ENTHD1: variants seen among roughly 807,000 people sequenced by gnomAD.
ENTHD1 encodes ENTH domain containing 1.
Under a neutral mutation model 39.1 loss-of-function variants are expected in ENTHD1, and 23 were observed. The ratio of observed to expected loss-of-function variants is 0.59; its 90% CI spans 0.42 to 0.83. The LOEUF is 0.83. Ranked by LOEUF, ENTHD1 falls within the 40% of genes least tolerant of loss-of-function variation. ENTHD1 has a pLI of 0.00. For synonymous variants in ENTHD1, 230 were observed against 258.2 expected (o/e 0.89, Z 1.05); for missense variants, 624 against 705.4 (o/e 0.88, Z 1.31).
chr22:39,792,766 C>T (rs1170666509), intron 5 of ENTHD1, among the ~76,000 whole-genome samples: 2 of 152,086 alleles, frequency 1.3e-5, no homozygotes, highest in African/African-American at 2.4e-5. Context: ...GTAGTTACAT[C>T]GTTTTTCTTT....
chr22:39,814,536 A>G lies in ENTHD1; in HGVS notation c.832+6457T>C, dbSNP rs148060923. The stretch of plus-strand genomic sequence containing the variant: ...GAATTATTACAAAGGTGGCGTGATT[A>G]AAACTATTTATCAATGCAGGGTTGG... On this transcript the variant is annotated intron_variant, in intron 5 of 6. Coordinates refer to ENST00000325157, the MANE Select transcript of ENTHD1 (RefSeq NM_152512.4). Among the ~76,000 whole-genome samples, 490 of 152,250 alleles carry G rather than the reference A, an allele frequency of 3.2e-3. 4 individuals are homozygous for G. The highest frequency in any genetic ancestry group is 0.011 in the African/African-American group (469 of 41,500).
intron 1 of ENTHD1, among the ~76,000 whole-genome samples, chr22:39,891,831 G>A (rs1194166570): frequency 6.6e-6 from 1 of 151,836 alleles, no homozygotes; most frequent in African/African-American, 2.4e-5. Context: ...TATTGACCAG[G>A]GTGGTCTTGA....
intron 5 of ENTHD1, among the ~76,000 whole-genome samples, chr22:39,766,037 A>G (rs1353280116): frequency 1.3e-5 from 2 of 149,408 alleles, no homozygotes; most frequent in South Asian, 2.1e-4. Flanking sequence ...AAAAAAAAAA[A>G]AAAAAAAAAA....
At chr22:39,799,981 T>C (rs1354648366) in intron 5 of ENTHD1, among the ~76,000 whole-genome samples, 22 of 152,196 alleles carry the variant, frequency 1.4e-4, no homozygotes, top group Non-Finnish European at 3.1e-4. Context: ...AATGGCACTG[T>C]GCTACAGCTG....
intron 2 of ENTHD1, among the ~76,000 whole-genome samples, chr22:39,884,763 A>C (rs1303576084): frequency 6.6e-6 from 1 of 152,228 alleles, no homozygotes; most frequent in Non-Finnish European, 1.5e-5. Flanking sequence ...TCAACAGGGA[A>C]AAAATGGTCT....
At chr22:39,827,672 T>C (rs1017155601) in intron 4 of ENTHD1, among the ~76,000 whole-genome samples, 9 of 152,158 alleles carry the variant, frequency 5.9e-5, no homozygotes, top group Non-Finnish European at 1.5e-5. Flanking sequence ...TTTGCAAAGA[T>C]GAGGGGAATC....
intron 2 of ENTHD1, chr22:39,875,248 TA>T: frequency 8.6e-7 from 1 of 1,165,260 alleles, no homozygotes; most frequent in South Asian, 4.0e-5. Flanking sequence ...TCCATTTATA[TA>T]AATTTTAAGA....
In ENTHD1 at chr22:39,743,586, T is replaced by A; in HGVS notation, c.*93A>T. On this transcript the variant is annotated 3_prime_UTR_variant, in exon 7 of 7. Coordinates refer to ENST00000325157, the MANE Select transcript of ENTHD1 (RefSeq NM_152512.4). The stretch of plus-strand genomic sequence containing the variant: ...CAAGGAAAAATTAAACCATCCCCTT[T>A]TTTGCCATAATAATATGAATTTATA... The A allele has an allele frequency of 7.3e-7, 1 of 1,375,688 alleles. No homozygotes were observed. Among genetic ancestry groups the A allele is most frequent in the Non-Finnish European group, 9.5e-7 (1 of 1,049,974 alleles). 85.2% of individuals were successfully genotyped at this position (1,375,688 alleles called of 1,614,324 possible).
rs750292223 is a variant in ENTHD1 at position 39,743,856 on chromosome 22, A to G, written c.1647T>C (p.Ser549=). 7 of 1,614,024 alleles carry G rather than the reference A, an allele frequency of 4.3e-6. No individual in the cohort carries two copies. Among genetic ancestry groups the G allele is most frequent in the Non-Finnish European group, 5.1e-6 (6 of 1,180,022 alleles). ...PQEPEAKNSI[S]VLLREVKRAI... ...CACGTTTTACCTCCCTTAAAAGAACACTAATGGAATTCTTTGCTTCAGGTT... is the reference window on the plus strand; with the variant it reads ...CACGTTTTACCTCCCTTAAAAGAACGCTAATGGAATTCTTTGCTTCAGGTT... The change falls in exon 7 of 7, where the codon AGT becomes AGC. Residue 549 remains serine, a synonymous_variant. Transcript: ENST00000325157.
chr22:39,858,571 A>G (rs1262287686), intron 3 of ENTHD1, among the ~76,000 whole-genome samples: 1 of 152,238 alleles, frequency 6.6e-6, no homozygotes, highest in Non-Finnish European at 1.5e-5. Flanking sequence ...AGGAATCACT[A>G]TCTATGGAAG....
chr22:39,805,971 T>C (rs2065637255), intron 5 of ENTHD1, among the ~76,000 whole-genome samples: 2 of 152,182 alleles, frequency 1.3e-5, no homozygotes, highest in South Asian at 4.1e-4. Context: ...CAACCACCTC[T>C]TCTAAGTTAC....
intron 5 of ENTHD1, among the ~76,000 whole-genome samples, chr22:39,783,909 C>A (rs2065433059): frequency 6.6e-6 from 1 of 152,046 alleles, no homozygotes; most frequent in African/African-American, 2.4e-5. Context: ...GGAATTACAT[C>A]AAGCTAAAAA....
In ENTHD1 at chr22:39,838,715, C is replaced by A. The variant is rs185486213; in HGVS notation, c.593-2757G>T. ...GTGGTTTTGATTGACTGCATACTAA[C>A]AATAATTGTAATAAGTCAATCTAGA... On this transcript the variant is annotated intron_variant, in intron 3 of 6. Transcript: ENST00000325157. Among the ~76,000 whole-genome samples, 74 of 152,094 alleles carry A rather than the reference C, an allele frequency of 4.9e-4. 1 individual carries two copies. The East Asian group carries it at 0.013, about 27-fold the overall frequency.
chr22:39,877,815 G>T (rs1003071335), intron 2 of ENTHD1, among the ~76,000 whole-genome samples: 1 of 152,042 alleles, frequency 6.6e-6, no homozygotes, highest in East Asian at 1.9e-4. Context: ...TAACTGATCT[G>T]GAAGATCAGT....
At chr22:39,783,175 A>G (rs1272981845) in intron 5 of ENTHD1, among the ~76,000 whole-genome samples, 2 of 152,212 alleles carry the variant, frequency 1.3e-5, no homozygotes, top group Non-Finnish European at 2.9e-5. Context: ...AATCCCATTT[A>G]CAATAGCTAC....
At chr22:39,795,099 C>T (rs748380881) in intron 5 of ENTHD1, among the ~76,000 whole-genome samples, 18 of 152,056 alleles carry the variant, frequency 1.2e-4, no homozygotes, top group Non-Finnish European at 2.6e-4. Context: ...CACTTGCATC[C>T]CTGGGATAAA....
intron 6 of ENTHD1, among the ~76,000 whole-genome samples, chr22:39,751,592 G>A (rs2065147719): frequency 6.6e-6 from 1 of 152,190 alleles, no homozygotes; most frequent in Non-Finnish European, 1.5e-5. Flanking sequence ...ATGACTTCCT[G>A]AGAAGTCATA....
At chr22:39,831,855 T>C (rs112674275) in intron 4 of ENTHD1, among the ~76,000 whole-genome samples, 9,217 of 151,742 alleles carry the variant, frequency 0.061, 396 homozygotes, top group South Asian at 0.13. Context: ...ACAAAATATA[T>C]AGAAAGTATT....
chr22:39,769,608 C>T (rs952755588), intron 5 of ENTHD1, among the ~76,000 whole-genome samples: 10 of 152,080 alleles, frequency 6.6e-5, no homozygotes, highest in African/African-American at 2.2e-4. Flanking sequence ...AAGAGAGATA[C>T]AGGTACTTTC....
Sources: allele counts gnomAD v4.1 joint callset (sites outside exome capture counted in the v4.1 genomes callset), GRCh38; gene constraint gnomAD v4.1.1; transcripts MANE v1.5; gene names NCBI Gene and HGNC (gene_info 2026-07-23, HGNC 2026-07-21).